MYO6: variants seen among roughly 807,000 people sequenced by gnomAD.
The protein encoded by MYO6 is myosin VI, also known as unconventional myosin-VI.
MYO6 carries 74 observed loss-of-function variants against 178.7 expected under a neutral mutation model. That is an observed-to-expected ratio of 0.41 (90% CI 0.34 to 0.50). The LOEUF (loss-of-function observed/expected upper bound fraction) is 0.50. MYO6 is among the 20% of genes least tolerant of loss of function. The probability of loss-of-function intolerance (pLI) is 0.09; values close to 1 mark genes in which losing one functional copy is unlikely to be tolerated. For synonymous variants in MYO6, 477 were observed against 504.6 expected (o/e 0.95, Z 0.73); for missense variants, 1,330 against 1,547.4 (o/e 0.86, Z 2.36).
intron 11 of MYO6, among the ~76,000 whole-genome samples, chr6:75,849,412 A>G (rs1445970849): frequency 6.6e-6 from 1 of 152,204 alleles, no homozygotes; most frequent in East Asian, 1.9e-4. Flanking sequence ...GTAGTCAATA[A>G]TGGGCTTTGG....
In MYO6 at chr6:75,917,346, G is replaced by A. The variant is rs1416576086; in HGVS notation, c.*2334G>A. ...CTTTCCATAGCATATGCTTTGCAAA[G>A]GCAGCATGCATAAAATATTTAAAAT... On this transcript the variant is annotated 3_prime_UTR_variant, in exon 35 of 35. Transcript: ENST00000369977. 6.6e-6 allele frequency: 1 copy of A among 152,572 alleles called. No individual in the cohort carries two copies. Among genetic ancestry groups the A allele is most frequent in the Non-Finnish European group, 1.5e-5 (1 of 68,046 alleles). 9.5% of individuals were successfully genotyped at this position (152,572 alleles called of 1,614,324 possible).
Position 75,890,173 on chromosome 6 carries a change from G to C in MYO6, c.2775G>C (p.Arg925Ser), listed in dbSNP as rs767162934. 5.6e-6 allele frequency: 9 copies of C among 1,613,052 alleles called. No individual in the cohort carries two copies. The highest frequency in any genetic ancestry group is 2.2e-5 in the East Asian group (1 of 44,882). The change falls in exon 26 of 35, where the codon AGG becomes AGC. Residue 925 changes from arginine to serine, a missense_variant. Arg to Ser is a moderately radical substitution (Grantham distance 110, BLOSUM62 -1). Around this residue, in one of 3 missense-constraint regions of MYO6, gnomAD observed 601 missense variants for 626.1 expected, o/e 0.96. Transcript: ENST00000369977. ...KKKQQEEEAERLRRIQEEMEK... is the reference protein window; with the variant it reads ...KKKQQEEEAESLRRIQEEMEK... ...AACAGCAGGAAGAGGAAGCAGAAAG[G>C]CTGAGGCGTATTCAAGAAGAAATGG... is the stretch of plus-strand genomic sequence containing the variant.
chr6:75,863,729 C>A (rs149374887), intron 16 of MYO6, among the ~76,000 whole-genome samples: 1 of 152,056 alleles, frequency 6.6e-6, no homozygotes, highest in Non-Finnish European at 1.5e-5. Context: ...CATGATCTCC[C>A]TGCCTTGGCT....
intron 1 of MYO6, among the ~76,000 whole-genome samples, chr6:75,809,891 T>A (rs1307616364): frequency 6.8e-6 from 1 of 146,282 alleles, no homozygotes. Context: ...GATGAAACCT[T>A]GTCTCTGCTA....
At chr6:75,848,320 A>T (rs1429951362) in intron 10 of MYO6, 31 bp from the exon 11 acceptor site, 1 of 1,592,818 alleles carries the variant, frequency 6.3e-7, no homozygotes, top group Non-Finnish European at 8.6e-7. Context: ...TAATGTAACG[A>T]TCAGTTAATT....
chr6:75,853,765 C>T lies in MYO6; in HGVS notation c.1079-1374C>T, dbSNP rs555830071. 4.2e-3 allele frequency among the ~76,000 whole-genome samples: 632 copies of T among 152,138 alleles called. 8 individuals are homozygous for T. Among genetic ancestry groups the T allele is most frequent in the African/African-American group, 0.014 (600 of 41,524 alleles). On this transcript the variant is annotated intron_variant, in intron 11 of 34. Coordinates refer to ENST00000369977, the MANE Select transcript of MYO6 (RefSeq NM_004999.4). ...TTAATTAGGTAGTCTTAGAATATAT[C>T]GTTTATTAATATTAATCTGAAAATA...
chr6:75,912,452 T>C (rs1462211624), intron 33 of MYO6, among the ~76,000 whole-genome samples: 3 of 152,070 alleles, frequency 2.0e-5, no homozygotes, highest in African/African-American at 2.4e-5. Context: ...CTTTGTGTTT[T>C]TCCAGATAAG....
At chr6:75,787,718 CTCTCTCTCTCTCTATATATATATA>C (rs1434626128) in intron 1 of MYO6, among the ~76,000 whole-genome samples, 12 of 41,828 alleles carry the variant, frequency 2.9e-4, no homozygotes, top group East Asian at 9.3e-4. Flanking sequence ...CTCTCTCTCT[CTCTCTCTCTCTCTATATATATATA>C]TATATATATA....
intron 23 of MYO6, 68 bp from the exon 24 acceptor site, chr6:75,885,936 G>T (rs370592171): frequency 4.2e-6 from 4 of 953,750 alleles, no homozygotes; most frequent in East Asian, 5.3e-5. Flanking sequence ...GTGAAAATGA[G>T]TTTTTTTAAT....
At chr6:75,805,021 A>ATATATATATTTTTTTTT (rs1252912172) in intron 1 of MYO6, among the ~76,000 whole-genome samples, 1 of 77,284 alleles carries the variant, frequency 1.3e-5, no homozygotes, top group African/African-American at 1.0e-4. Context: ...ATATATATAT[A>ATATATATATTTTTTTTT]TTTTTTTTTT....
intron 31 of MYO6, 73 bp downstream of exon 31, chr6:75,907,781 GGT>G (rs957330651): frequency 9.4e-5 from 97 of 1,034,604 alleles, no homozygotes; most frequent in East Asian, 7.2e-4. Context: ...ATTAGGGTGA[GGT>G]GTGTGTGTGT....
chr6:75,749,727 C>T lies in MYO6; in HGVS notation c.-48+304C>T, dbSNP rs568862461. ...AGAGCACTCAGGTGCCTAACTCGGACTTGGACACTCCGTGATAGTTTTATT... is the reference window on the plus strand; with the variant it reads ...AGAGCACTCAGGTGCCTAACTCGGATTTGGACACTCCGTGATAGTTTTATT... On this transcript the variant is annotated intron_variant, in intron 1 of 34. Coordinates refer to ENST00000369977, the MANE Select transcript of MYO6 (RefSeq NM_004999.4). Among the ~76,000 whole-genome samples the T allele has an allele frequency of 3.3e-5, 5 of 152,332 alleles. No homozygotes were observed. In the South Asian group the frequency reaches 1.0e-3, roughly 32 times the overall value.
At chr6:75,757,201 ATATG>A (rs1201464617) in intron 1 of MYO6, among the ~76,000 whole-genome samples, 1 of 148,102 alleles carries the variant, frequency 6.8e-6, no homozygotes, top group Non-Finnish European at 1.5e-5. Context: ...TATTGTGTAT[ATATG>A]TATATAGACA....
chr6:75,761,281 G>A (rs1299867280), intron 1 of MYO6, among the ~76,000 whole-genome samples: 2 of 152,110 alleles, frequency 1.3e-5, no homozygotes, highest in Non-Finnish European at 2.9e-5. Flanking sequence ...TAATTGAAGA[G>A]GTTTATGTTA....
chr6:75,890,542 A>C (rs1406141640), intron 26 of MYO6, among the ~76,000 whole-genome samples: 1 of 152,088 alleles, frequency 6.6e-6, no homozygotes, highest in Non-Finnish European at 1.5e-5. Context: ...ACGGGGTTTC[A>C]CTATGTTGGC....
chr6:75,914,970 G>A lies in MYO6; in HGVS notation c.3816G>A (p.Arg1272=), dbSNP rs745969764. The change falls in exon 35 of 35, where the codon CGG becomes CGA. Residue 1272 remains arginine (R), a synonymous_variant. Transcript: ENST00000369977. ...ATGCGATTGAGAGCAGACAGGCTCG[G>A]CCCACCTATGCAACAGCCATGCTGC... is the stretch of plus-strand genomic sequence containing the variant. The part of the protein sequence containing the change: ...LQNAIESRQA[R]PTYATAMLQS... 5.0e-6 allele frequency: 8 copies of A among 1,613,628 alleles called. No individual in the cohort carries two copies. Among genetic ancestry groups the A allele is most frequent in the Non-Finnish European group, 6.8e-6 (8 of 1,179,984 alleles).
chr6:75,891,232 C>G lies in MYO6; in HGVS notation c.2872C>G (p.Leu958Val). 6.2e-7 allele frequency: 1 copy of G among 1,602,060 alleles called. No homozygotes were observed. The highest frequency in any genetic ancestry group is 2.2e-5 in the East Asian group (1 of 44,480). The change falls in exon 27 of 35, where the codon CTT becomes GTT. Residue 958 changes from leucine to valine, a missense_variant. Transcript: ENST00000369977. ...GAGTTTTCTATTTTTTATTAGGAAA[C>G]TTGAGATGGAAGCAAAGAGAAAACA... The part of the protein sequence containing the change: ...RKEEEERRMK[L>V]EMEAKRKQEE...
intron 1 of MYO6, among the ~76,000 whole-genome samples, chr6:75,772,692 C>T (rs1002107141): frequency 6.6e-6 from 1 of 152,112 alleles, no homozygotes; most frequent in Non-Finnish European, 1.5e-5. Context: ...GATGTGTTTT[C>T]AGTTGGAGAG....
chr6:75,919,295 A>T lies in MYO6; in HGVS notation c.*4283A>T, dbSNP rs7746476. 0.011 allele frequency: 1,707 copies of T among 152,064 alleles called. 74 individuals are homozygous for T. In the East Asian group the frequency reaches 0.15, roughly 13 times the overall value. 9.4% of individuals were successfully genotyped at this position (152,064 alleles called of 1,614,324 possible). ...AGCCTCCCACTTTCTGGAGTCTCCA[A>T]TGTCGGTTATTCCACTCTTTATGTC... On this transcript the variant is annotated 3_prime_UTR_variant, in exon 35 of 35. Transcript: ENST00000369977.
Sources: allele counts gnomAD v4.1 joint callset (sites outside exome capture counted in the v4.1 genomes callset), GRCh38; gene constraint gnomAD v4.1.1; regional missense constraint gnomAD v4.1.1; transcripts MANE v1.5; gene names NCBI Gene and HGNC (gene_info 2026-07-23, HGNC 2026-07-21).